Variants in CELF2 observed in about 807,000 individuals in gnomAD.
CELF2 encodes the protein CUGBP Elav-like family member 2.
CELF2 carries 8 observed loss-of-function variants against 62.6 expected under a neutral mutation model. The observed-to-expected ratio is 0.13, with a 90% confidence interval of 0.07 to 0.23. The LOEUF is 0.23. Ranked by LOEUF, CELF2 falls within the 10% of genes least tolerant of loss-of-function variation. The probability of loss-of-function intolerance (pLI) is 1.00; values close to 1 mark genes in which losing one functional copy is unlikely to be tolerated. For missense variants in CELF2, 333 were observed against 671.0 expected (o/e 0.50, Z 5.56); for synonymous variants, 258 against 250.0 (o/e 1.03, Z -0.30).
At chr10:11,070,414 C>G (rs1333136632) in intron 1 of CELF2, among the ~76,000 whole-genome samples, 2 of 152,138 alleles carry the variant, frequency 1.3e-5, no homozygotes, top group Non-Finnish European at 2.9e-5. Context: ...GGGAAGCCAT[C>G]TAAGGGAATT....
intron 1 of CELF2, among the ~76,000 whole-genome samples, chr10:10,804,986 G>T (rs530356739): frequency 6.6e-6 from 1 of 152,316 alleles, no homozygotes; most frequent in East Asian, 1.9e-4. Flanking sequence ...TGCTCTGCTT[G>T]TATTCCTTGT....
rs2096010369 is a variant in CELF2 at position 11,331,292 on chromosome 10, AAAAAG to A, written c.*2242_*2246del. The stretch of plus-strand genomic sequence containing the variant: ...TTGGTTTACTTAATACAAAAAAAAA[AAAAAG>A]AATTTCAAAAAAAAAAGTTGTTTGC... On this transcript the variant is annotated 3_prime_UTR_variant, in exon 13 of 13. Coordinates refer to ENST00000633077, the MANE Select transcript of CELF2 (RefSeq NM_001326342.2). 6.6e-6 allele frequency: 1 copy of A among 152,186 alleles called. No individual in the cohort carries two copies. Among genetic ancestry groups the A allele is most frequent in the Non-Finnish European group, 1.5e-5 (1 of 67,934 alleles). The allele number at this position is 152,186 out of a possible 1,614,324, so 9.4% of individuals were successfully genotyped here.
chr10:10,909,306 A>ATGGTTT (rs987356984), intron 1 of CELF2, among the ~76,000 whole-genome samples: 1 of 152,158 alleles, frequency 6.6e-6, no homozygotes, highest in African/African-American at 2.4e-5. Context: ...GTCCTTAGAA[A>ATGGTTT]TGGTTTGTGT....
the CELF2 span, among the ~76,000 whole-genome samples, chr10:10,700,796 A>G: frequency 6.6e-6 from 1 of 152,230 alleles, no homozygotes; most frequent in Non-Finnish European, 1.5e-5. Flanking sequence ...CTCTCTCTTC[A>G]GAAGATCTCT....
chr10:10,979,434 G>A (rs1375363729), intron 2 of CELF2, among the ~76,000 whole-genome samples: 1 of 152,188 alleles, frequency 6.6e-6, no homozygotes, highest in Non-Finnish European at 1.5e-5. Context: ...ACTTTGGGAG[G>A]CCTAGGCCGG....
At chr10:10,601,745 T>G in the CELF2 span, among the ~76,000 whole-genome samples, 1 of 152,056 alleles carries the variant, frequency 6.6e-6, no homozygotes, top group Non-Finnish European at 1.5e-5. Context: ...TTTTTTAATT[T>G]TAAGTTCCGG....
In CELF2 at chr10:11,008,068, T is replaced by C. The variant is rs1160535074; in HGVS notation, c.53+2628T>C. On this transcript the variant is annotated intron_variant, in intron 1 of 12. Transcript: ENST00000416382. The surrounding 1 kb of genome is among the most constrained non-coding windows in gnomAD (Gnocchi z 4.5). ...TTCACCTGATAGGGACGGTGTGAGGTTGCCCGAAGCTGGCAAACTTGTCTA... is the reference window on the plus strand; with the variant it reads ...TTCACCTGATAGGGACGGTGTGAGGCTGCCCGAAGCTGGCAAACTTGTCTA... Among the ~76,000 whole-genome samples, 1 of 152,132 alleles carries C rather than the reference T, an allele frequency of 6.6e-6. No homozygotes were observed. The highest frequency in any genetic ancestry group is 2.4e-5 in the African/African-American group (1 of 41,422).
At chr10:10,999,862 A>G (rs1391529105) in intron 2 of CELF2, among the ~76,000 whole-genome samples, 3 of 152,214 alleles carry the variant, frequency 2.0e-5, no homozygotes, top group Non-Finnish European at 4.4e-5. Flanking sequence ...TCATATTCAC[A>G]TTTGGATGCC....
chr10:10,812,926 T>C (rs1167932898), intron 1 of CELF2, among the ~76,000 whole-genome samples: 2 of 152,208 alleles, frequency 1.3e-5, no homozygotes, highest in African/African-American at 4.8e-5. Flanking sequence ...ATATTCCTCA[T>C]TTCTACTATG....
chr10:11,178,209 G>C lies in CELF2; in HGVS notation c.271+12527G>C, dbSNP rs889356879. Among the ~76,000 whole-genome samples the C allele has an allele frequency of 6.6e-6, 1 of 152,218 alleles. No homozygotes were observed. ...GTCCTCGCTCCCCTTTGCCAACCGG[G>C]CTGCTGAGTGTGATGCTCCCTTTGT... On this transcript the variant is annotated intron_variant, in intron 2 of 12. Transcript: ENST00000633077. This position sits in a 1 kb window ranked among gnomAD's most constrained non-coding sequence, Gnocchi z 4.3.
chr10:11,163,252 G>C (rs565560447), intron 1 of CELF2, among the ~76,000 whole-genome samples: 1 of 152,292 alleles, frequency 6.6e-6, no homozygotes, highest in Non-Finnish European at 1.5e-5. Flanking sequence ...GATGAGGTGC[G>C]GCAGCCCCAT....
chr10:11,257,840 G>A lies in CELF2; in HGVS notation c.506G>A (p.Arg169Gln), dbSNP rs1390133796. ...CCATTTGGCCAGATAGAAGAATGCC[G>A]GATCCTCCGGGGACCTGATGGGCTG... ...FSPFGQIEEC[R>Q]ILRGPDGLSR... Residue 169 changes from arginine (R) to glutamine (Q), a missense_variant, in exon 5 of 13, where the codon CGG becomes CAG. Arg to Gln is a conservative substitution (Grantham distance 43). Coordinates refer to ENST00000633077, the MANE Select transcript of CELF2 (RefSeq NM_001326342.2). 3 of 1,614,192 alleles carry A rather than the reference G, an allele frequency of 1.9e-6. No individual in the cohort carries two copies. The highest frequency in any genetic ancestry group is 1.7e-6 in the Non-Finnish European group (2 of 1,180,032).
At chr10:10,855,903 T>A (rs1358981979) in intron 1 of CELF2, among the ~76,000 whole-genome samples, 1 of 152,120 alleles carries the variant, frequency 6.6e-6, no homozygotes, top group Non-Finnish European at 1.5e-5. Context: ...GTGATGATTC[T>A]AGGCCCAAGA....
the CELF2 span, among the ~76,000 whole-genome samples, chr10:10,644,460 G>C: frequency 6.6e-6 from 1 of 152,008 alleles, no homozygotes; most frequent in African/African-American, 2.4e-5. Context: ...TGGAGACAGA[G>C]TAGTGTCAGC....
At chr10:11,001,780 CT>C (rs35135935), upstream of CELF2, among the ~76,000 whole-genome samples, 7 of 150,838 alleles carry the variant, frequency 4.6e-5, no homozygotes, top group South Asian at 6.3e-4. Context: ...TTAATTACTG[CT>C]TTTTTTTTGG....
chr10:11,151,008 A>T (rs1440807543), intron 1 of CELF2, among the ~76,000 whole-genome samples: 1 of 152,012 alleles, frequency 6.6e-6, no homozygotes, highest in African/African-American at 2.4e-5. Flanking sequence ...ATGTTGTGAG[A>T]TCATAAAAAG....
At chr10:10,663,410 C>G in the CELF2 span, among the ~76,000 whole-genome samples, 1 of 152,144 alleles carries the variant, frequency 6.6e-6, no homozygotes, top group Non-Finnish European at 1.5e-5. Flanking sequence ...TGATAGAGAA[C>G]AAGTTTCAAG....
intron 2 of CELF2, among the ~76,000 whole-genome samples, chr10:11,204,153 C>A (rs2059894342): frequency 6.6e-6 from 1 of 152,216 alleles, no homozygotes; most frequent in Admixed American, 6.5e-5. Flanking sequence ...TCAAGAAACC[C>A]TTCATACTGC....
At chr10:10,740,799 A>C in the CELF2 span, among the ~76,000 whole-genome samples, 3 of 152,234 alleles carry the variant, frequency 2.0e-5, no homozygotes, top group Admixed American at 6.5e-5. Context: ...TGAAACTGGA[A>C]GACATTATGC....
Sources: gnomAD v4.1 joint callset for allele counts (sites outside exome capture counted in the v4.1 genomes callset) on GRCh38, gnomAD v4.1.1 for gene constraint, Gnocchi (gnomAD v3.1) non-coding constraint, MANE v1.5 for transcripts, NCBI Gene and HGNC (gene_info 2026-07-23, HGNC 2026-07-21) for gene names.